The following WDR7 variants were observed in gnomAD, a reference collection of about 807,000 sequenced individuals.
WDR7 encodes the protein WD repeat domain 7, also known as WD repeat-containing protein 7.
Under a neutral mutation model 169.4 loss-of-function variants are expected in WDR7, and 46 were observed. The observed-to-expected ratio is 0.27, with a 90% CI of 0.21 to 0.35. The LOEUF is 0.35. Among genes scored for constraint, WDR7 ranks in the 10% least tolerant of loss-of-function variants. The pLI, the probability that WDR7 is intolerant of heterozygous loss-of-function variation, is 1.00. For synonymous variants in WDR7, 612 were observed against 666.8 expected, an observed-to-expected ratio of 0.92 and a Z score of 1.27; for missense variants, 1,534 against 1,859.3, an observed-to-expected ratio of 0.83 and a Z score of 3.22.
chr18:56,935,853 C>G lies in WDR7; in HGVS notation c.3779C>G (p.Ser1260Trp). The change falls in exon 23 of 28, where the codon TCG becomes TGG. Residue 1260 changes from serine to tryptophan, a missense_variant. Coordinates refer to ENST00000254442, the MANE Select transcript of WDR7 (RefSeq NM_015285.3). The part of the protein sequence containing the change: ...DSARSARHAL[S>W]LIATARPPAF... ...GCCCGCTCTGCGAGGCATGCCCTCTCGCTCATTGCCACCGCCAGACCACCC... is the reference window on the plus strand; with the variant it reads ...GCCCGCTCTGCGAGGCATGCCCTCTGGCTCATTGCCACCGCCAGACCACCC... 1 of 1,614,176 alleles carries G rather than the reference C, an allele frequency of 6.2e-7. No individual in the cohort carries two copies. Among genetic ancestry groups the G allele is most frequent in the South Asian group, 1.1e-5 (1 of 91,086 alleles).
intron 16 of WDR7, among the ~76,000 whole-genome samples, chr18:56,772,632 C>G (rs762874830): frequency 6.6e-6 from 1 of 151,792 alleles, no homozygotes; most frequent in Non-Finnish European, 1.5e-5. Flanking sequence ...ACATTATTTC[C>G]ATAGACATAG....
chr18:56,882,595 A>G (rs1440276812), intron 21 of WDR7, among the ~76,000 whole-genome samples: 1 of 152,164 alleles, frequency 6.6e-6, no homozygotes, highest in Admixed American at 6.5e-5. Context: ...CAGAAATCTT[A>G]AATCCTTTAT....
chr18:56,894,533 A>G (rs2046305576), intron 21 of WDR7, among the ~76,000 whole-genome samples: 1 of 152,010 alleles, frequency 6.6e-6, no homozygotes, highest in Non-Finnish European at 1.5e-5. Flanking sequence ...AGATCACTCT[A>G]TTTAATCCTG....
intron 21 of WDR7, among the ~76,000 whole-genome samples, chr18:56,894,138 C>T (rs2046300508): frequency 6.6e-6 from 1 of 152,010 alleles, no homozygotes; most frequent in Admixed American, 6.6e-5. Context: ...AGCTATTTCT[C>T]ACCACCTTTC....
chr18:56,681,815 G>A (rs952838526), intron 4 of WDR7, among the ~76,000 whole-genome samples: 2 of 152,212 alleles, frequency 1.3e-5, no homozygotes, highest in Admixed American at 1.3e-4. Context: ...CCTTGGACAT[G>A]TATTTTTAAA....
chr18:56,674,852 G>C (rs2025210846), intron 2 of WDR7, among the ~76,000 whole-genome samples: 1 of 151,966 alleles, frequency 6.6e-6, no homozygotes, highest in Non-Finnish European at 1.5e-5. Context: ...ATTTTTCTGT[G>C]GTGTAAGAGA....
intron 26 of WDR7, among the ~76,000 whole-genome samples, chr18:57,012,754 C>G (rs557964775): frequency 1.3e-5 from 2 of 152,248 alleles, no homozygotes; most frequent in African/African-American, 2.4e-5. Context: ...ATTGAAGATC[C>G]AGCAGTTCAT....
At chr18:56,836,188 G>A (rs192369610) in intron 20 of WDR7, among the ~76,000 whole-genome samples, 72 of 152,138 alleles carry the variant, frequency 4.7e-4, no homozygotes, top group Non-Finnish European at 6.2e-4. Context: ...ACTGGAGTTC[G>A]TTCTTTTTGA....
chr18:57,012,311 C>T (rs1346825260), intron 26 of WDR7, among the ~76,000 whole-genome samples: 2 of 152,142 alleles, frequency 1.3e-5, no homozygotes, highest in East Asian at 1.9e-4. Flanking sequence ...TCATCCCAGC[C>T]GTCCTCACAG....
intron 1 of WDR7, among the ~76,000 whole-genome samples, chr18:56,658,395 C>T (rs1421997177): frequency 1.3e-5 from 2 of 152,168 alleles, no homozygotes; most frequent in African/African-American, 2.4e-5. Context: ...AGCCACTGCG[C>T]CCAGCCTGGA....
In WDR7 at chr18:56,950,482, G is replaced by A. The variant is rs142574181; in HGVS notation, c.4064+11089G>A. 2.4e-3 allele frequency among the ~76,000 whole-genome samples: 362 copies of A among 152,252 alleles called. 1 individual carries two copies. The highest frequency in any genetic ancestry group is 3.5e-3 in the South Asian group (17 of 4,818). Reference sequence around the variant, plus strand: ...TCAGTATTTTTATGAAAATTGTTTTGATCTCATAGACTTCTCAAAGGAAAG... The same window carrying A: ...TCAGTATTTTTATGAAAATTGTTTTAATCTCATAGACTTCTCAAAGGAAAG... On this transcript the variant is annotated intron_variant, in intron 25 of 27. Transcript: ENST00000254442.
chr18:56,860,364 G>A (rs1241208001), intron 20 of WDR7, among the ~76,000 whole-genome samples: 2 of 151,998 alleles, frequency 1.3e-5, no homozygotes, highest in Admixed American at 6.6e-5. Context: ...AAGAACCATA[G>A]CTCATCCCAG....
At chr18:56,875,666 A>G (rs1243560696) in intron 20 of WDR7, among the ~76,000 whole-genome samples, 1 of 152,208 alleles carries the variant, frequency 6.6e-6, no homozygotes, top group Non-Finnish European at 1.5e-5. Context: ...GTTCTTAAAC[A>G]TACTGTTTTT....
intron 14 of WDR7, among the ~76,000 whole-genome samples, chr18:56,732,400 G>C (rs2026606276): frequency 6.6e-6 from 1 of 152,012 alleles, no homozygotes; most frequent in Admixed American, 6.6e-5. Context: ...TTAATGAATA[G>C]GCACAAATAC....
intron 1 of WDR7, among the ~76,000 whole-genome samples, chr18:56,658,606 A>G (rs1290573791): frequency 1.3e-5 from 2 of 152,198 alleles, no homozygotes; most frequent in African/African-American, 2.4e-5. Flanking sequence ...CATTTAAGCT[A>G]TCTTCCTTAA....
chr18:56,888,340 C>A (rs1258968130), intron 21 of WDR7, among the ~76,000 whole-genome samples: 1 of 152,222 alleles, frequency 6.6e-6, no homozygotes, highest in Non-Finnish European at 1.5e-5. Flanking sequence ...CTAGATTAGG[C>A]TAGTGTTACG....
chr18:56,825,249 T>A (rs1385400112), intron 20 of WDR7, among the ~76,000 whole-genome samples: 1 of 152,204 alleles, frequency 6.6e-6, no homozygotes, highest in Non-Finnish European at 1.5e-5. Context: ...TTTTATTTTT[T>A]GTGTGTGCAT....
intron 26 of WDR7, among the ~76,000 whole-genome samples, chr18:57,010,575 ATTAAC>A (rs2048122452): frequency 6.6e-6 from 1 of 152,200 alleles, no homozygotes; most frequent in African/African-American, 2.4e-5. Flanking sequence ...CATATAATAT[ATTAAC>A]TTGTGATGTT....
chr18:56,805,930 T>C (rs2044766221), intron 19 of WDR7, among the ~76,000 whole-genome samples: 1 of 152,204 alleles, frequency 6.6e-6, no homozygotes, highest in Non-Finnish European at 1.5e-5. Flanking sequence ...ATGCTCCTGC[T>C]ACCCGCTCTG....
Sources: allele counts gnomAD v4.1 joint callset (sites outside exome capture counted in the v4.1 genomes callset), GRCh38; gene constraint gnomAD v4.1.1; transcripts MANE v1.5; gene names NCBI Gene and HGNC (gene_info 2026-07-23, HGNC 2026-07-21).